The following EPHX2 variants were observed in gnomAD, a reference collection of about 807,000 sequenced individuals.
EPHX2 encodes the protein bifunctional epoxide hydrolase 2.
A neutral mutation model predicts 78.7 loss-of-function variants in EPHX2; 74 were observed. The observed-to-expected ratio is 0.94, with a 90% CI of 0.78 to 1.14. The LOEUF is 1.14. Among genes scored for constraint, EPHX2 ranks in the 50% most tolerant of loss-of-function variants. The pLI is 0.00. For synonymous variants in EPHX2, 251 were observed against 255.2 expected (o/e 0.98, Z 0.16); for missense variants, 715 against 702.5 (o/e 1.02, Z -0.20).
chr8:27,546,995 G>A (rs1041697273), downstream of EPHX2, among the ~76,000 whole-genome samples: 1 of 152,152 alleles, frequency 6.6e-6, no homozygotes, highest in African/African-American at 2.4e-5. Context: ...AGGAGGGAGA[G>A]AGAAAGAGAA....
downstream of EPHX2, among the ~76,000 whole-genome samples, chr8:27,547,554 G>T (rs1327071450): frequency 6.6e-6 from 1 of 152,142 alleles, no homozygotes; most frequent in Non-Finnish European, 1.5e-5. Context: ...TATCGTTTTT[G>T]TATTGAGGAC....
chr8:27,492,339 T>C (rs1021405962), intron 1 of EPHX2, among the ~76,000 whole-genome samples: 1 of 152,132 alleles, frequency 6.6e-6, no homozygotes, highest in Non-Finnish European at 1.5e-5. Context: ...CAAGACCCTG[T>C]CTCTCCAAAA....
chr8:27,502,197 C>T (rs116688809), intron 2 of EPHX2, among the ~76,000 whole-genome samples: 136 of 152,322 alleles, frequency 8.9e-4, no homozygotes, highest in African/African-American at 3.2e-3. Flanking sequence ...TGCACATCAG[C>T]TCTTTTGCGT....
At position 27,525,239 on chromosome 8, in the gene EPHX2, G is replaced by A. The variant is rs193267360; in HGVS notation, c.1059-123G>A. ...TCCCATTCTCCCATTCACTGCTAGTGTATGACCTTGTGCATAGAATGTTCC... is the reference window on the plus strand; with the variant it reads ...TCCCATTCTCCCATTCACTGCTAGTATATGACCTTGTGCATAGAATGTTCC... On this transcript the variant is annotated intron_variant, in intron 11 of 18. Coordinates refer to ENST00000521400, the MANE Select transcript of EPHX2 (RefSeq NM_001979.6). The A allele has an allele frequency of 2.1e-5, 17 of 797,366 alleles. No individual in the cohort carries two copies. In the African/African-American group the frequency reaches 2.5e-4, roughly 12 times the overall value. The allele number at this position is 797,366 out of a possible 1,614,324, so 49.4% of individuals were successfully genotyped here. A position where few individuals can be genotyped will look rare whatever the true frequency, so the allele number is the denominator to read the frequency against.
chr8:27,526,940 T>TTTTTA (rs1024324728), intron 12 of EPHX2, among the ~76,000 whole-genome samples: 1 of 151,968 alleles, frequency 6.6e-6, no homozygotes, highest in Non-Finnish European at 1.5e-5. Flanking sequence ...GTATTTTTTA[T>TTTTTA]TTTTATTTTA....
rs1295044856 is a variant in EPHX2, at chr8:27,525,357, TG to T, written c.1059-4del. On this transcript the variant is annotated splice_polypyrimidine_tract_variant and splice_region_variant and intron_variant, in intron 11 of 18. Transcript: ENST00000521400. ...GCTATGTCTTGCTGCCTCTTATTTC[TG>T]TAGGGCGGTGGCCAGTTTGAATACT... 6.2e-7 allele frequency: 1 copy of T among 1,613,942 alleles called. No individual in the cohort carries two copies. The highest frequency in any genetic ancestry group is 2.2e-5 in the East Asian group (1 of 44,874).
intron 11 of EPHX2, among the ~76,000 whole-genome samples, chr8:27,523,775 C>G (rs1409810638): frequency 6.6e-6 from 1 of 151,958 alleles, no homozygotes; most frequent in Admixed American, 6.6e-5. Context: ...TTTCTCTGTC[C>G]CCTCTCTCAT....
intron 12 of EPHX2, among the ~76,000 whole-genome samples, chr8:27,533,064 A>G (rs535607876): frequency 6.6e-6 from 1 of 152,132 alleles, no homozygotes; most frequent in Non-Finnish European, 1.5e-5. Context: ...GTAGTAAGCC[A>G]TGATTGCACT....
At chr8:27,501,340 TTCTTCTTC>T (rs1361119542) in intron 2 of EPHX2, among the ~76,000 whole-genome samples, 13 of 109,162 alleles carry the variant, frequency 1.2e-4, no homozygotes, top group African/African-American at 4.9e-4. Flanking sequence ...CTTCTTCTTC[TTCTTCTTC>T]TTCTTCTTCT....
chr8:27,543,799 T>C lies in EPHX2; in HGVS notation c.1500T>C (p.Val500=), dbSNP rs747671227. The change falls in exon 17 of 19, where the codon GTT becomes GTC. Residue 500 remains valine, a synonymous_variant. Transcript: ENST00000521400. ...MVTAEKDFVL[V]PQMSQHMEDW... ...CGGCGGAGAAGGACTTCGTGCTCGT[T>C]CCTCAGATGTCCCAGCACATGGAGG... 1.2e-6 allele frequency: 2 copies of C among 1,614,006 alleles called. No individual in the cohort carries two copies. The highest frequency in any genetic ancestry group is 1.7e-6 in the Non-Finnish European group (2 of 1,180,034).
chr8:27,491,200 C>A lies in EPHX2; in HGVS notation c.-9C>A. On this transcript the variant is annotated 5_prime_UTR_variant, in exon 1 of 19. Coordinates refer to ENST00000521400, the MANE Select transcript of EPHX2 (RefSeq NM_001979.6). ...GCGTGTCCGGGTGCTAGGCTGCAGA[C>A]CCGCCGCCATGACGCTGCGCGCGGC... 4 of 1,573,960 alleles carry A rather than the reference C, an allele frequency of 2.5e-6. No individual in the cohort carries two copies. Among genetic ancestry groups the A allele is most frequent in the South Asian group, 2.3e-5 (2 of 87,650 alleles).
At chr8:27,539,498 CA>C (rs1348850867) in intron 14 of EPHX2, among the ~76,000 whole-genome samples, 2 of 152,202 alleles carry the variant, frequency 1.3e-5, no homozygotes, top group African/African-American at 4.8e-5. Flanking sequence ...CCCTGCAGGC[CA>C]TGCTCTTGTC....
At chr8:27,523,040 A>C (rs1477224003) in intron 11 of EPHX2, among the ~76,000 whole-genome samples, 1 of 151,624 alleles carries the variant, frequency 6.6e-6, no homozygotes, top group African/African-American at 2.4e-5. Flanking sequence ...CTTACAGGCA[A>C]TGGGACAAAT....
intron 1 of EPHX2, among the ~76,000 whole-genome samples, chr8:27,493,372 C>T (rs1187774742): frequency 1.3e-5 from 2 of 152,246 alleles, no homozygotes; most frequent in Non-Finnish European, 2.9e-5. Context: ...GTCCTCCTTT[C>T]TCAGCAGTGA....
At position 27,544,808 on chromosome 8, in the gene EPHX2, G is replaced by T. The variant is rs913722693; in HGVS notation, c.*286G>T. 9 of 414,562 alleles carry T rather than the reference G, an allele frequency of 2.2e-5. No homozygotes were observed. The highest frequency in any genetic ancestry group is 3.9e-5 in the Non-Finnish European group (9 of 232,002). 25.7% of individuals were successfully genotyped at this position (414,562 alleles called of 1,614,324 possible). On this transcript the variant is annotated 3_prime_UTR_variant, in exon 19 of 19. Transcript: ENST00000521400. The stretch of plus-strand genomic sequence containing the variant: ...TAGGGGGACAGAATGGGGTGGCCAG[G>T]TGGTGATTTCTCTTTGACCAATGCA...
chr8:27,545,384 C>T lies in EPHX2; in HGVS notation c.*862C>T, dbSNP rs1815553090. ...GTCACATCCGGTTAGGCTCCCATCT[C>T]ACTGATGTGTCTCCTGCAGTGGTCT... On this transcript the variant is annotated 3_prime_UTR_variant, in exon 19 of 19. Transcript: ENST00000521400. 6.6e-6 allele frequency: 1 copy of T among 152,564 alleles called. No individual in the cohort carries two copies. Among genetic ancestry groups the T allele is most frequent in the East Asian group, 1.9e-4 (1 of 5,184 alleles). 9.5% of individuals were successfully genotyped at this position (152,564 alleles called of 1,614,324 possible).
intron 6 of EPHX2, 167 bp downstream of exon 6, chr8:27,512,077 A>G: frequency 2.0e-6 from 1 of 491,488 alleles, no homozygotes. Context: ...CAGCCTGGGC[A>G]ACGGAGTGAA....
Position 27,538,652 on chromosome 8 carries a change from C to G in EPHX2, c.1243-7C>G, listed in dbSNP as rs775792568. The G allele has an allele frequency of 6.2e-7, 1 of 1,609,690 alleles. No individual in the cohort carries two copies. The highest frequency in any genetic ancestry group is 8.5e-7 in the Non-Finnish European group (1 of 1,177,210). ...TCATTTGTAACTCTTTTCTTTTCTT[C>G]CTTCAGAGTGTTTTATCCATGCATA... On this transcript the variant is annotated splice_region_variant and splice_polypyrimidine_tract_variant and intron_variant, in intron 13 of 18. Coordinates refer to ENST00000521400, the MANE Select transcript of EPHX2 (RefSeq NM_001979.6).
At chr8:27,544,281 A>C in intron 18 of EPHX2, 37 bp downstream of exon 18, 1 of 1,610,732 alleles carries the variant, frequency 6.2e-7, no homozygotes, top group Non-Finnish European at 8.5e-7. Flanking sequence ...CGGGGAGAGC[A>C]GGGCCCCCCG....
Sources: allele counts gnomAD v4.1 joint callset (sites outside exome capture counted in the v4.1 genomes callset), GRCh38; gene constraint gnomAD v4.1.1; transcripts MANE v1.5; gene names NCBI Gene and HGNC (gene_info 2026-07-23, HGNC 2026-07-21).